The following TAFA2 variants were observed in gnomAD, a reference collection of about 807,000 sequenced individuals.
TAFA2 encodes TAFA chemokine like family member 2, also known as chemokine-like protein TAFA-2.
In TAFA2, 7 loss-of-function variants were observed where a neutral mutation model predicts 18.8. That is an observed-to-expected ratio of 0.37 (90% CI 0.21 to 0.70). The LOEUF (loss-of-function observed/expected upper bound fraction) is 0.70. Among genes scored for constraint, TAFA2 ranks in the 30% least tolerant of loss-of-function variants. TAFA2 has a pLI of 0.53. For missense variants in TAFA2, 122 were observed against 158.1 expected (o/e 0.77, Z 1.23); for synonymous variants, 60 against 54.2 (o/e 1.11, Z -0.47).
chr12:62,081,030 G>T (rs1010677067), intron 1 of TAFA2, among the ~76,000 whole-genome samples: 3 of 151,970 alleles, frequency 2.0e-5, no homozygotes, highest in Non-Finnish European at 4.4e-5. Flanking sequence ...CTGTCTCTAC[G>T]AAAAGACACA....
intron 1 of TAFA2, among the ~76,000 whole-genome samples, chr12:62,067,846 C>T (rs1331081970): frequency 1.3e-5 from 2 of 151,960 alleles, no homozygotes; most frequent in Non-Finnish European, 1.5e-5. Flanking sequence ...ATTGAAAAAA[C>T]TAATAAAACA....
chr12:61,897,036 ATAAG>A (rs1419861504), intron 1 of TAFA2, among the ~76,000 whole-genome samples: 6 of 152,220 alleles, frequency 3.9e-5, no homozygotes, highest in Admixed American at 3.9e-4. Flanking sequence ...TACATATAAA[ATAAG>A]TAACATAGGT....
intron 1 of TAFA2, among the ~76,000 whole-genome samples, chr12:61,884,735 T>G (rs1875297037): frequency 6.6e-6 from 1 of 152,138 alleles, no homozygotes; most frequent in African/African-American, 2.4e-5. Context: ...GGCTACCAAT[T>G]TGCACTGTGT....
chr12:62,055,261 G>A (rs183986465), intron 1 of TAFA2, among the ~76,000 whole-genome samples: 1 of 152,070 alleles, frequency 6.6e-6, no homozygotes, highest in Non-Finnish European at 1.5e-5. Flanking sequence ...TAAACAACAC[G>A]GTCATTTGTA....
At chr12:62,199,855 A>G (rs1349167373) in intron 1 of TAFA2, among the ~76,000 whole-genome samples, 1 of 152,142 alleles carries the variant, frequency 6.6e-6, no homozygotes, top group Non-Finnish European at 1.5e-5. Context: ...TGGTTGAACT[A>G]ATTTACATTC....
At chr12:62,199,346 C>T (rs1194643633) in intron 1 of TAFA2, among the ~76,000 whole-genome samples, 1 of 152,156 alleles carries the variant, frequency 6.6e-6, no homozygotes, top group Non-Finnish European at 1.5e-5. Context: ...TATTCTGATA[C>T]TCTCCCTCCC....
intron 1 of TAFA2, among the ~76,000 whole-genome samples, chr12:62,039,587 T>C (rs1279820620): frequency 6.6e-6 from 1 of 152,164 alleles, no homozygotes; most frequent in Non-Finnish European, 1.5e-5. Flanking sequence ...TAAAGGTAAC[T>C]TGGATGAAAT....
chr12:62,139,557 C>A (rs1210799310), intron 1 of TAFA2, among the ~76,000 whole-genome samples: 1 of 152,190 alleles, frequency 6.6e-6, no homozygotes, highest in African/African-American at 2.4e-5. Context: ...ATTAATACCT[C>A]TTCTCCTGGT....
chr12:62,248,756 C>T (rs1379277620), intron 1 of TAFA2, among the ~76,000 whole-genome samples: 4 of 151,860 alleles, frequency 2.6e-5, no homozygotes, highest in East Asian at 1.9e-4. Flanking sequence ...TTTTTAATTG[C>T]GGCAAAATAT....
chr12:62,107,852 C>T (rs966136364), intron 1 of TAFA2, among the ~76,000 whole-genome samples: 1 of 152,122 alleles, frequency 6.6e-6, no homozygotes, highest in African/African-American at 2.4e-5. Flanking sequence ...TTAGTATCTG[C>T]AAGAGGCCAT....
intron 1 of TAFA2, among the ~76,000 whole-genome samples, chr12:61,879,004 A>G (rs1252123718): frequency 6.6e-6 from 1 of 152,268 alleles, no homozygotes; most frequent in East Asian, 1.9e-4. Flanking sequence ...TAATTAGCAC[A>G]GCCAGAACTC....
chr12:61,976,303 G>A (rs1433015166), intron 1 of TAFA2, among the ~76,000 whole-genome samples: 1 of 151,826 alleles, frequency 6.6e-6, no homozygotes, highest in Non-Finnish European at 1.5e-5. Flanking sequence ...GATAGAACCT[G>A]TCACCAATGC....
chr12:61,891,073 T>A (rs1355685514), intron 1 of TAFA2, among the ~76,000 whole-genome samples: 3 of 152,152 alleles, frequency 2.0e-5, no homozygotes, highest in Admixed American at 1.3e-4. Context: ...AATAAAGTAA[T>A]TAACAGAAGT....
intron 1 of TAFA2, among the ~76,000 whole-genome samples, chr12:62,043,569 A>T (rs925475612): frequency 1.1e-4 from 17 of 152,114 alleles, no homozygotes; most frequent in African/African-American, 1.7e-4. Context: ...CATATGTAAC[A>T]AACCTGCACA....
chr12:61,746,849 T>G (rs115627145), intron 4 of TAFA2, among the ~76,000 whole-genome samples: 3,062 of 152,220 alleles, frequency 0.02, 118 homozygotes, highest in African/African-American at 0.07. Flanking sequence ...ATACATATTC[T>G]TTCTCACAAA....
chr12:62,247,386 C>T (rs145273541), intron 1 of TAFA2, among the ~76,000 whole-genome samples: 2,222 of 152,316 alleles, frequency 0.015, 23 homozygotes, highest in Non-Finnish European at 0.024. Flanking sequence ...TCTAATTCCA[C>T]TTACTCTCAT....
At chr12:61,810,623 G>A (rs958224797) in intron 2 of TAFA2, among the ~76,000 whole-genome samples, 1 of 150,880 alleles carries the variant, frequency 6.6e-6, no homozygotes, top group Non-Finnish European at 1.5e-5. Context: ...TTTGAGAGTT[G>A]TTGCTAGAAA....
intron 1 of TAFA2, among the ~76,000 whole-genome samples, chr12:62,117,759 A>G (rs1210376060): frequency 6.6e-6 from 1 of 152,190 alleles, no homozygotes; most frequent in East Asian, 1.9e-4. Context: ...CAATCTAAAC[A>G]TGCATTGATA....
At chr12:62,027,858 A>G (rs1416572102) in intron 1 of TAFA2, among the ~76,000 whole-genome samples, 1 of 152,178 alleles carries the variant, frequency 6.6e-6, no homozygotes, top group Non-Finnish European at 1.5e-5. Context: ...TTTAATTGCC[A>G]TGTTTTGCTG....
Sources: gnomAD v4.1 joint callset for allele counts (sites outside exome capture counted in the v4.1 genomes callset) on GRCh38, gnomAD v4.1.1 for gene constraint, MANE v1.5 for transcripts, NCBI Gene and HGNC (gene_info 2026-07-23, HGNC 2026-07-21) for gene names.